Variants in ANPEP observed in about 807,000 individuals in gnomAD.
ANPEP encodes the protein aminopeptidase N.
ANPEP carries 70 observed loss-of-function variants against 114.6 expected under a neutral mutation model. That is an observed-to-expected ratio of 0.61 (90% CI 0.50 to 0.75). The LOEUF is 0.75. Ranked by LOEUF, ANPEP falls within the 30% of genes least tolerant of loss-of-function variation. The probability of loss-of-function intolerance (pLI) is 0.00; values close to 1 mark genes in which losing one functional copy is unlikely to be tolerated. For synonymous variants in ANPEP, 548 were observed against 522.3 expected, an observed-to-expected ratio of 1.05 and a Z score of -0.67; for missense variants, 1,184 against 1,259.5, an observed-to-expected ratio of 0.94 and a Z score of 0.91.
In ANPEP at chr15:89,799,394, A is replaced by C. The variant is rs1894538567; in HGVS notation, c.1953+32T>G. 7 of 1,613,948 alleles carry C rather than the reference A, an allele frequency of 4.3e-6. No homozygotes were observed. The highest frequency in any genetic ancestry group is 1.7e-5 in the Admixed American group (1 of 59,990). On this transcript the variant is annotated intron_variant, in intron 13 of 20. Coordinates refer to ENST00000300060, the MANE Select transcript of ANPEP (RefSeq NM_001150.3). The surrounding 1 kb of genome is among the most constrained non-coding windows in gnomAD (Gnocchi z 4.2). ...TGCAGTCTGGTGCCTGTCCTGGGGC[A>C]GGGGGCAGGGCGAGGGGTGGCAGAC...
In ANPEP at chr15:89,799,600, C is replaced by A. The variant is rs761312545; in HGVS notation, c.1820-41G>T. ...AGACCTGGGCAGGGCTGCTCAGAGG[C>A]CATGGGCTGACCCCTGGACCTCTTG... On this transcript the variant is annotated intron_variant, in intron 12 of 20. Coordinates refer to ENST00000300060, the MANE Select transcript of ANPEP (RefSeq NM_001150.3). The surrounding 1 kb of genome is among the most constrained non-coding windows in gnomAD (Gnocchi z 4.2). 1.2e-6 allele frequency: 2 copies of A among 1,613,212 alleles called. No individual in the cohort carries two copies. The highest frequency in any genetic ancestry group is 2.2e-5 in the South Asian group (2 of 91,036).
chr15:89,797,479 A>C, intron 15 of ANPEP, 96 bp downstream of exon 15: 1 of 1,448,598 alleles, frequency 6.9e-7, no homozygotes, highest in South Asian at 1.5e-5. Flanking sequence ...TTCCCTGACC[A>C]GGAGTCCAGT....
Position 89,806,805 on chromosome 15 carries a change from G to T in ANPEP, c.-222C>A. 2 of 665,254 alleles carry T rather than the reference G, an allele frequency of 3.0e-6. No individual in the cohort carries two copies. Among genetic ancestry groups the T allele is most frequent in the Non-Finnish European group, 4.8e-6 (2 of 418,670 alleles). The allele number at this position is 665,254 out of a possible 1,614,324, so 41.2% of individuals were successfully genotyped here. On this transcript the variant is annotated splice_region_variant and 5_prime_UTR_variant, in exon 2 of 21. Coordinates refer to ENST00000300060, the MANE Select transcript of ANPEP (RefSeq NM_001150.3). The surrounding 1 kb of genome is among the most constrained non-coding windows in gnomAD (Gnocchi z 5.7). ...GTGTGTGGAGCTGGGCTCGGGGGGT[G>T]CCTGCTGGAAGCAAACAGTGTCTGG...
chr15:89,809,043 ACCC>A (rs1038785828), intron 1 of ANPEP, among the ~76,000 whole-genome samples: 1 of 152,044 alleles, frequency 6.6e-6, no homozygotes. Context: ...ACTAGCAGAC[ACCC>A]CATTAGGCTT....
intron 1 of ANPEP, 53 bp downstream of exon 1, chr15:89,814,719 T>C: frequency 6.5e-6 from 1 of 152,880 alleles, no homozygotes; most frequent in East Asian, 1.9e-4. Context: ...CGCACCCAAC[T>C]GCCCCACGAC....
intron 12 of ANPEP, 56 bp downstream of exon 12, chr15:89,801,055 C>T: frequency 6.6e-7 from 1 of 1,514,722 alleles, no homozygotes; most frequent in Non-Finnish European, 9.2e-7. Context: ...AGAACATGGG[C>T]CAGGAGCTAG....
Position 89,806,211 on chromosome 15 carries a change from T to G in ANPEP, c.373A>C (p.Lys125Gln). Residue 125 changes from lysine to glutamine, a missense_variant, in exon 2 of 21, where the codon AAG becomes CAG. Coordinates refer to ENST00000300060, the MANE Select transcript of ANPEP (RefSeq NM_001150.3). This position sits in a 1 kb window ranked among gnomAD's most constrained non-coding sequence, Gnocchi z 5.7. ...EATDVIIIHS[K>Q]KLNYTLSQGH... is the part of the protein sequence containing the mutation. ...TGGCTGAGGGTGTAGTTGAGCTTCT[T>G]GCTGTGGATGATGATGACGTCAGTG... 6.2e-7 allele frequency: 1 copy of G among 1,614,038 alleles called. No individual in the cohort carries two copies. The highest frequency in any genetic ancestry group is 8.5e-7 in the Non-Finnish European group (1 of 1,179,986).
chr15:89,804,194 C>T (rs561289171), intron 6 of ANPEP, 59 bp downstream of exon 6: 80 of 1,603,374 alleles, frequency 5.0e-5, no homozygotes, highest in Middle Eastern at 1.7e-4. Flanking sequence ...CCTGGACTTG[C>T]GCCGTCTCCT....
intron 15 of ANPEP, 86 bp downstream of exon 15, chr15:89,797,489 T>C (rs1968751148): frequency 2.0e-6 from 3 of 1,477,842 alleles, no homozygotes; most frequent in South Asian, 1.4e-5. Flanking sequence ...AGGAGTCCAG[T>C]AGGCAATAGT....
rs141325059 is a variant in ANPEP, at chr15:89,801,467, G to T, written c.1710C>A (p.Pro570=). The change falls in exon 11 of 21, where the codon CCC becomes CCA. Residue 570 remains proline, a synonymous_variant. Transcript: ENST00000300060. ...TLSQEHFLLD[P]DSNVTRPSEF... is the part of the protein sequence containing the mutation. ...CTGAGGGGCGGGTAACATTGGAATC[G>T]GGGTCAAGGAGGAAGTGCTCCTGGG... The T allele has an allele frequency of 6.2e-7, 1 of 1,614,192 alleles. No homozygotes were observed. The highest frequency in any genetic ancestry group is 2.2e-5 in the East Asian group (1 of 44,882).
At chr15:89,811,058 C>A (rs777030394) in intron 1 of ANPEP, among the ~76,000 whole-genome samples, 1 of 152,196 alleles carries the variant, frequency 6.6e-6, no homozygotes, top group Non-Finnish European at 1.5e-5. Context: ...CTACACCTGG[C>A]GTGCAGTGGG....
In ANPEP at chr15:89,792,168, G is replaced by A. The variant is rs778540385; in HGVS notation, c.2520C>T (p.Ile840=). The change falls in exon 18 of 21, where the codon ATC becomes ATT. Residue 840 remains isoleucine, a synonymous_variant. Coordinates refer to ENST00000300060, the MANE Select transcript of ANPEP (RefSeq NM_001150.3). The part of the protein sequence containing the change: ...AALACSKELW[I]LNRYLSYTLN... Reference sequence around the variant, plus strand: ...CCTGCGCCAAGACTCACCTGTTCAGGATCCACAACTCTTTGCTGCAGGCCA... The same window carrying A: ...CCTGCGCCAAGACTCACCTGTTCAGAATCCACAACTCTTTGCTGCAGGCCA... 6.2e-7 allele frequency: 1 copy of A among 1,613,998 alleles called. No individual in the cohort carries two copies. Among genetic ancestry groups the A allele is most frequent in the South Asian group, 1.1e-5 (1 of 91,076 alleles).
chr15:89,797,230 G>A (rs932980645), intron 15 of ANPEP, among the ~76,000 whole-genome samples: 5 of 152,180 alleles, frequency 3.3e-5, no homozygotes, highest in African/African-American at 1.2e-4. Context: ...CCCTCAGCAT[G>A]GTGGCCTTTT....
intron 14 of ANPEP, among the ~76,000 whole-genome samples, chr15:89,798,072 G>C (rs1596164942): frequency 6.6e-6 from 1 of 152,206 alleles, no homozygotes; most frequent in African/African-American, 2.4e-5. Flanking sequence ...AGATTTAAAA[G>C]GGCAAGAAGC....
At position 89,812,893 on chromosome 15, in the gene ANPEP, A is replaced by G. The variant is rs1388582134; in HGVS notation, c.-224+1879T>C. Among the ~76,000 whole-genome samples the G allele has an allele frequency of 2.0e-5, 3 of 152,272 alleles. No individual in the cohort carries two copies. The East Asian group carries it at 5.8e-4, about 30-fold the overall frequency. On this transcript the variant is annotated intron_variant, in intron 1 of 20. Coordinates refer to ENST00000300060, the MANE Select transcript of ANPEP (RefSeq NM_001150.3). ...CGTGCCAAGGGGAGTTGAAGACCACAGGAGAAGACACGCACCCATTTGGCC... is the reference window on the plus strand; with the variant it reads ...CGTGCCAAGGGGAGTTGAAGACCACGGGAGAAGACACGCACCCATTTGGCC...
chr15:89,804,095 G>T, intron 6 of ANPEP, 93 bp from the exon 7 acceptor site: 1 of 1,547,584 alleles, frequency 6.5e-7, no homozygotes, highest in Non-Finnish European at 8.9e-7. Flanking sequence ...CATCTGCCAG[G>T]CACAGTGGGG....
chr15:89,793,054 G>A lies in ANPEP; in HGVS notation c.2230C>T (p.Pro744Ser). The change falls in exon 16 of 21, where the codon CCA becomes TCA. Residue 744 changes from proline to serine, a missense_variant. Coordinates refer to ENST00000300060, the MANE Select transcript of ANPEP (RefSeq NM_001150.3). Reference protein sequence around the residue: ...RNNTNNWREIPENLMDQYSEV... With the variant: ...RNNTNNWREISENLMDQYSEV... ...ACTCACTGGTCCATCAGGTTTTCTGGGATCTCCCTCCAGTTGTTGGTATTA... is the reference window on the plus strand; with the variant it reads ...ACTCACTGGTCCATCAGGTTTTCTGAGATCTCCCTCCAGTTGTTGGTATTA... The A allele has an allele frequency of 6.2e-7, 1 of 1,614,090 alleles. No individual in the cohort carries two copies. The highest frequency in any genetic ancestry group is 8.5e-7 in the Non-Finnish European group (1 of 1,179,964).
At chr15:89,794,505 A>T (rs933076128) in intron 15 of ANPEP, among the ~76,000 whole-genome samples, 4 of 151,980 alleles carry the variant, frequency 2.6e-5, no homozygotes, top group East Asian at 3.9e-4. Context: ...AATAAATAAA[A>T]ATAAATAAAA....
intron 1 of ANPEP, among the ~76,000 whole-genome samples, chr15:89,814,459 C>A (rs1235648752): frequency 6.6e-6 from 1 of 152,066 alleles, no homozygotes; most frequent in Non-Finnish European, 1.5e-5. Context: ...CCGCCCTCCC[C>A]GTCCGTCCTC....
Sources: gnomAD v4.1 joint callset for allele counts (sites outside exome capture counted in the v4.1 genomes callset) on GRCh38, gnomAD v4.1.1 for gene constraint, Gnocchi (gnomAD v3.1) non-coding constraint, MANE v1.5 for transcripts, NCBI Gene and HGNC (gene_info 2026-07-23, HGNC 2026-07-21) for gene names.